The following ZSCAN10 variants were observed in gnomAD, a reference collection of about 807,000 sequenced individuals.
ZSCAN10 encodes zinc finger and SCAN domain-containing protein 10.
A neutral mutation model predicts 63.7 loss-of-function variants in ZSCAN10; 52 were observed. That is an observed-to-expected ratio of 0.82 (90% confidence interval 0.65 to 1.03). The LOEUF (loss-of-function observed/expected upper bound fraction) is 1.03. ZSCAN10 is among the 50% of genes least tolerant of loss of function. The probability of loss-of-function intolerance (pLI) is 0.00; values close to 1 mark genes in which losing one functional copy is unlikely to be tolerated. For missense variants in ZSCAN10, 1,223 were observed against 1,103.8 expected (o/e 1.11, Z -1.53); for synonymous variants, 544 against 479.6 (o/e 1.13, Z -1.76).
rs758659753 is a variant in ZSCAN10 at position 3,089,544 on chromosome 16, G to C, written c.1890C>G (p.Gly630=). The part of the protein sequence containing the change: ...DLARHQRSHT[G]EKPCRCSECG... ...ACTCGCTGCAGCGGCAGGGCTTCTCGCCCGTGTGGCTGCGCTGGTGGCGGG... is the reference window on the plus strand; with the variant it reads ...ACTCGCTGCAGCGGCAGGGCTTCTCCCCCGTGTGGCTGCGCTGGTGGCGGG... The change falls in exon 6 of 6, where the codon GGC becomes GGG. Residue 630 remains glycine, a synonymous_variant. Coordinates refer to ENST00000576985, the MANE Select transcript of ZSCAN10 (RefSeq NM_032805.3). The C allele has an allele frequency of 1.9e-5, 30 of 1,600,826 alleles. No individual in the cohort carries two copies. The South Asian group carries it at 2.7e-4, about 14-fold the overall frequency.
rs1027128433 is a variant in ZSCAN10, at chr16:3,092,908, C to T, written c.30G>A (p.Val10=). The part of the protein sequence containing the change: MLGESVPAA[V]EQEQLGEVKL... ...TGACTTCCCCCAGCTGCTCCTGCTCCACGGCAGCTGGGACTGATTCTCCAA... is the reference window on the plus strand; with the variant it reads ...TGACTTCCCCCAGCTGCTCCTGCTCTACGGCAGCTGGGACTGATTCTCCAA... Residue 10 remains valine, a synonymous_variant, in exon 2 of 6, where the codon GTG becomes GTA. Transcript: ENST00000576985. 4 of 1,437,832 alleles carry T rather than the reference C, an allele frequency of 2.8e-6. No individual in the cohort carries two copies. The highest frequency in any genetic ancestry group is 2.9e-5 in the Admixed American group (1 of 34,514). 89.1% of individuals were successfully genotyped at this position (1,437,832 alleles called of 1,614,324 possible).
At chr16:3,093,140 C>A in intron 1 of ZSCAN10, 136 bp from the exon 2 acceptor site, 1 of 567,278 alleles carries the variant, frequency 1.8e-6, no homozygotes, top group East Asian at 3.5e-5. Flanking sequence ...CTCACGAGGG[C>A]AGGACAGCCC....
intron 1 of ZSCAN10, among the ~76,000 whole-genome samples, chr16:3,098,197 T>C (rs1242802699): frequency 6.6e-6 from 1 of 152,140 alleles, no homozygotes; most frequent in Non-Finnish European, 1.5e-5. Context: ...TCCATTGCCG[T>C]GCAGGAGCAG....
rs754678152 is a variant in ZSCAN10, at chr16:3,089,766, G to A, written c.1668C>T (p.Gly556=). 2.5e-6 allele frequency: 4 copies of A among 1,597,512 alleles called. No individual in the cohort carries two copies. Among genetic ancestry groups the A allele is most frequent in the South Asian group, 1.1e-5 (1 of 90,568 alleles). Residue 556 remains glycine (G), a synonymous_variant, in exon 6 of 6, where the codon GGC becomes GGT. Transcript: ENST00000576985. The part of the protein sequence containing the change: ...GERPFSCQAC[G]RSFTQSSQLV... Reference sequence around the variant, plus strand: ...GCTGCGAGCTCTGCGTGAAGCTGCGGCCGCAAGCCTGGCAGGAGAAGGGCC... The same window carrying A: ...GCTGCGAGCTCTGCGTGAAGCTGCGACCGCAAGCCTGGCAGGAGAAGGGCC...
At position 3,097,130 on chromosome 16, in the gene ZSCAN10, C is replaced by G. The variant is rs540864095; in HGVS notation, c.-68+2060G>C. Among the ~76,000 whole-genome samples, 3 of 151,828 alleles carry G rather than the reference C, an allele frequency of 2.0e-5. No individual in the cohort carries two copies. The East Asian group carries it at 5.8e-4, about 29-fold the overall frequency. ...AAAAAAGTAACTCAGCCTTGGGCAG[C>G]CTCTCCCTGGTAACGATGGCCTAGT... is the stretch of plus-strand genomic sequence containing the variant. On this transcript the variant is annotated intron_variant, in intron 1 of 5. Transcript: ENST00000576985.
In ZSCAN10 at chr16:3,090,377, C is replaced by T. The variant is rs1187420282; in HGVS notation, c.1057G>A (p.Gly353Arg). The change falls in exon 6 of 6, where the codon GGG (glycine) becomes AGG (arginine). Residue 353 changes from glycine (G) to arginine (R), a missense_variant. By Grantham distance (125) the Gly-to-Arg change is moderately radical (BLOSUM62 -2). Coordinates refer to ENST00000576985, the MANE Select transcript of ZSCAN10 (RefSeq NM_032805.3). ...PELQFICADCGVSFPQLSRLK... is the reference protein window; with the variant it reads ...PELQFICADCRVSFPQLSRLK... ...CGAGACAGCTGCGGGAAGCTCACCC[C>T]GCAGTCCGCGCAGATGAACTGCAAC... is the stretch of plus-strand genomic sequence containing the variant. 3 of 1,613,210 alleles carry T rather than the reference C, an allele frequency of 1.9e-6. No individual in the cohort carries two copies. The highest frequency in any genetic ancestry group is 1.7e-6 in the Non-Finnish European group (2 of 1,179,784).
Position 3,089,497 on chromosome 16 carries a change from C to T in ZSCAN10, c.1937G>A (p.Ser646Asn). The change falls in exon 6 of 6, where the codon AGC becomes AAC. Residue 646 changes from serine (S) to asparagine (N), a missense_variant. Physicochemically the swap from Ser to Asn is conservative, Grantham distance 46. Coordinates refer to ENST00000576985, the MANE Select transcript of ZSCAN10 (RefSeq NM_032805.3). The part of the protein sequence containing the change: ...CSECGEGFSQ[S>N]AHLARHQRIH... The stretch of plus-strand genomic sequence containing the variant: ...GCGCTGGTGGCGCGCCAGGTGGGCG[C>T]TCTGGCTGAAGCCCTCACCGCACTC... The T allele has an allele frequency of 6.2e-7, 1 of 1,601,090 alleles. No homozygotes were observed. Among genetic ancestry groups the T allele is most frequent in the Non-Finnish European group, 8.5e-7 (1 of 1,175,790 alleles).
chr16:3,089,142 G>T lies in ZSCAN10; in HGVS notation c.2292C>A (p.Asn764Lys). The change falls in exon 6 of 6, where the codon AAC (asparagine) becomes AAA (lysine). Residue 764 changes from asparagine (N) to lysine (K), a missense_variant. Asn to Lys is a moderately conservative substitution (Grantham distance 94, BLOSUM62 0). Transcript: ENST00000576985. The stretch of plus-strand genomic sequence containing the variant: ...TGCGCAGGTGGCGCAGCAGGTGGGA[G>T]TTGCGGCTGAAGCTGCGGCCACACT... ...CTQCGRSFSR[N>K]SHLLRHLRTH... is the part of the protein sequence containing the mutation. 6.5e-7 allele frequency: 1 copy of T among 1,527,312 alleles called. No individual in the cohort carries two copies. Among genetic ancestry groups the T allele is most frequent in the East Asian group, 2.3e-5 (1 of 43,474 alleles). The allele number at this position is 1,527,312 out of a possible 1,614,324, so 94.6% of individuals were successfully genotyped here.
chr16:3,089,146 C>A lies in ZSCAN10; in HGVS notation c.2288G>T (p.Arg763Leu). ...SCTQCGRSFS[R>L]NSHLLRHLRT... ...CAGGTGGCGCAGCAGGTGGGAGTTG[C>A]GGCTGAAGCTGCGGCCACACTGCGT... The change falls in exon 6 of 6, where the codon CGC becomes CTC. Residue 763 changes from arginine (R) to leucine (L), a missense_variant. Arg to Leu is a moderately radical substitution (Grantham distance 102, BLOSUM62 -2). Coordinates refer to ENST00000576985, the MANE Select transcript of ZSCAN10 (RefSeq NM_032805.3). 1 of 1,526,862 alleles carries A rather than the reference C, an allele frequency of 6.5e-7. No homozygotes were observed. Among genetic ancestry groups the A allele is most frequent in the Non-Finnish European group, 8.7e-7 (1 of 1,147,634 alleles). The allele number at this position is 1,526,862 out of a possible 1,614,324, so 94.6% of individuals were successfully genotyped here.
intron 1 of ZSCAN10, among the ~76,000 whole-genome samples, chr16:3,097,635 C>T (rs1157630457): frequency 6.6e-6 from 1 of 152,192 alleles, no homozygotes; most frequent in Non-Finnish European, 1.5e-5. Context: ...CCACTCCAGG[C>T]AGCCCCCATC....
chr16:3,096,100 TG>T (rs1957150849), intron 1 of ZSCAN10, among the ~76,000 whole-genome samples: 1 of 152,244 alleles, frequency 6.6e-6, no homozygotes, highest in Non-Finnish European at 1.5e-5. Flanking sequence ...TTCCCCTTCC[TG>T]GTCTGGTAGC....
Position 3,089,617 on chromosome 16 carries a change from T to C in ZSCAN10, c.1817A>G (p.His606Arg), listed in dbSNP as rs1257447841. 1 of 1,585,018 alleles carries C rather than the reference T, an allele frequency of 6.3e-7. No individual in the cohort carries two copies. Among genetic ancestry groups the C allele is most frequent in the Admixed American group, 1.8e-5 (1 of 56,372 alleles). The change falls in exon 6 of 6, where the codon CAC becomes CGC. Residue 606 changes from histidine to arginine, a missense_variant. By Grantham distance (29) the His-to-Arg change is conservative. Coordinates refer to ENST00000576985, the MANE Select transcript of ZSCAN10 (RefSeq NM_032805.3). ...ACTCTTCCCGCACTGGGTGCAGTGG[T>C]GGGGCCGAGGGCCACCGTGGGTCAG... ...HLLTHGGPRP[H>R]HCTQCGKSFG...
Position 3,091,764 on chromosome 16 carries a change from C to T in ZSCAN10, c.729G>A (p.Leu243=). ...SSRDQELAAV[L]ECLTFEDVPE... ...CACCCTGGGGTGCGGCCCAGCTCACCAGCACAGCCGCCAGCTCCTGATCTC... is the reference window on the plus strand; with the variant it reads ...CACCCTGGGGTGCGGCCCAGCTCACTAGCACAGCCGCCAGCTCCTGATCTC... The change falls in exon 4 of 6, where the codon CTG becomes CTA. Residue 243 remains leucine (L), a splice_region_variant and synonymous_variant. Coordinates refer to ENST00000576985, the MANE Select transcript of ZSCAN10 (RefSeq NM_032805.3). The T allele has an allele frequency of 6.4e-7, 1 of 1,572,826 alleles. No individual in the cohort carries two copies. Among genetic ancestry groups the T allele is most frequent in the East Asian group, 2.4e-5 (1 of 42,224 alleles).
Position 3,091,961 on chromosome 16 carries a change from G to C in ZSCAN10, c.664+88C>G, listed in dbSNP as rs1355752893. ...TGGCGCTCTCCTGTCCTGGTCACCT[G>C]GGGAGGCCCCACTTCTCACCCCACC... On this transcript the variant is annotated intron_variant, in intron 3 of 5. Coordinates refer to ENST00000576985, the MANE Select transcript of ZSCAN10 (RefSeq NM_032805.3). 1.4e-5 allele frequency: 22 copies of C among 1,571,572 alleles called. No individual in the cohort carries two copies. In the South Asian group the frequency reaches 2.2e-4, roughly 16 times the overall value.
intron 3 of ZSCAN10, 64 bp downstream of exon 3, chr16:3,091,984 AC>A: frequency 6.4e-7 from 1 of 1,560,040 alleles, no homozygotes; most frequent in Non-Finnish European, 8.7e-7. Flanking sequence ...TTCTCACCCC[AC>A]CCCAGACATC....
chr16:3,094,296 G>A (rs1485930041), intron 1 of ZSCAN10, among the ~76,000 whole-genome samples: 1 of 152,226 alleles, frequency 6.6e-6, no homozygotes, highest in African/African-American at 2.4e-5. Flanking sequence ...TTACAGGCGT[G>A]AGCCACTGTG....
chr16:3,094,670 C>A (rs1356875899), intron 1 of ZSCAN10, among the ~76,000 whole-genome samples: 1 of 151,978 alleles, frequency 6.6e-6, no homozygotes. Context: ...GATCCAACTT[C>A]CAATGTTTAG....
intron 1 of ZSCAN10, among the ~76,000 whole-genome samples, chr16:3,098,709 T>A (rs1957186087): frequency 6.6e-6 from 1 of 152,176 alleles, no homozygotes; most frequent in Non-Finnish European, 1.5e-5. Context: ...ACAGCCACCA[T>A]CCAACATTTG....
intron 1 of ZSCAN10, among the ~76,000 whole-genome samples, chr16:3,093,549 C>T (rs1009983827): frequency 4.0e-5 from 6 of 151,524 alleles, no homozygotes; most frequent in Admixed American, 4.0e-4. Context: ...CATCACTTTT[C>T]CCAAGTGATT....
Sources: allele counts gnomAD v4.1 joint callset (sites outside exome capture counted in the v4.1 genomes callset), GRCh38; gene constraint gnomAD v4.1.1; transcripts MANE v1.5; gene names NCBI Gene and HGNC (gene_info 2026-07-23, HGNC 2026-07-21).